The following FAM184B variants were observed in gnomAD, a reference collection of about 807,000 sequenced individuals.
FAM184B encodes protein FAM184B.
FAM184B carries 111 observed loss-of-function variants against 135.9 expected under a neutral mutation model. The ratio of observed to expected loss-of-function variants is 0.82; its 90% CI spans 0.70 to 0.96. The LOEUF (loss-of-function observed/expected upper bound fraction) is 0.96. FAM184B is among the 40% of genes least tolerant of loss of function. The pLI is 0.00. For missense variants in FAM184B, 1,375 were observed against 1,323.9 expected (o/e 1.04, Z -0.60); for synonymous variants, 552 against 524.8 (o/e 1.05, Z -0.71).
intron 10 of FAM184B, among the ~76,000 whole-genome samples, chr4:17,653,644 G>C (rs1411420861): frequency 6.6e-6 from 1 of 152,038 alleles, no homozygotes; most frequent in African/African-American, 2.4e-5. Flanking sequence ...TCTGTGAGCA[G>C]CTGGGTAAAC....
At chr4:17,750,751 A>C (rs1374007078) in intron 1 of FAM184B, among the ~76,000 whole-genome samples, 1 of 152,162 alleles carries the variant, frequency 6.6e-6, no homozygotes, top group East Asian at 1.9e-4. Context: ...ATTCTTTAGT[A>C]TCTTGGACCT....
intron 5 of FAM184B, among the ~76,000 whole-genome samples, chr4:17,694,659 C>T (rs1033223720): frequency 1.3e-5 from 2 of 152,130 alleles, no homozygotes; most frequent in Non-Finnish European, 2.9e-5. Context: ...CATTGTGTTA[C>T]TCATTCATTC....
chr4:17,746,883 C>T (rs1264055477), intron 1 of FAM184B, among the ~76,000 whole-genome samples: 1 of 151,364 alleles, frequency 6.6e-6, no homozygotes, highest in Non-Finnish European at 1.5e-5. Flanking sequence ...ACTAAAAATA[C>T]AAAAATTAGC....
At chr4:17,681,754 AG>A (rs1427235967) in intron 7 of FAM184B, among the ~76,000 whole-genome samples, 1 of 152,044 alleles carries the variant, frequency 6.6e-6, no homozygotes, top group Non-Finnish European at 1.5e-5. Flanking sequence ...ATGCCTCAGG[AG>A]CTTGCCTTGG....
chr4:17,629,700 C>G lies in FAM184B; in HGVS notation c.*2832G>C, dbSNP rs1451173627. On this transcript the variant is annotated 3_prime_UTR_variant, in exon 18 of 18. Transcript: ENST00000265018. ...AATTTCTCTTCATCTTCACTGTCAC[C>G]TCTACGCCATCACTGTCATCTCTAG... 1 of 152,206 alleles carries G rather than the reference C, an allele frequency of 6.6e-6. No individual in the cohort carries two copies. The highest frequency in any genetic ancestry group is 2.4e-5 in the African/African-American group (1 of 41,450). 9.4% of individuals were successfully genotyped at this position (152,206 alleles called of 1,614,324 possible).
At position 17,664,574 on chromosome 4, in the gene FAM184B, T is replaced by G; in HGVS notation, c.1682A>C (p.Asp561Ala). The change falls in exon 8 of 18, where the codon GAT (aspartate) becomes GCT (alanine). Residue 561 changes from aspartate (D) to alanine (A), a missense_variant. Coordinates refer to ENST00000265018, the MANE Select transcript of FAM184B (RefSeq NM_015688.2). ...TGTCCTCCTGTACCTTTCTTCTTCA[T>G]CACTGCTGGTTCCTTCTTCAGCTGC... Reference protein sequence around the residue: ...KLAAEEGTSSDEEERTKVLLK... With the variant: ...KLAAEEGTSSAEEERTKVLLK... The G allele has an allele frequency of 6.4e-7, 1 of 1,551,420 alleles. No individual in the cohort carries two copies. Among genetic ancestry groups the G allele is most frequent in the Non-Finnish European group, 8.7e-7 (1 of 1,146,728 alleles).
At chr4:17,723,142 T>C (rs1038795292) in intron 1 of FAM184B, among the ~76,000 whole-genome samples, 2 of 152,220 alleles carry the variant, frequency 1.3e-5, no homozygotes, top group African/African-American at 4.8e-5. Context: ...TGCATAGCAC[T>C]TTCCAGTTCA....
At chr4:17,666,131 C>T (rs1716043054) in intron 7 of FAM184B, among the ~76,000 whole-genome samples, 1 of 152,174 alleles carries the variant, frequency 6.6e-6, no homozygotes, top group Non-Finnish European at 1.5e-5. Flanking sequence ...AGCTTAGGCT[C>T]TGCTACCAGA....
At chr4:17,766,165 C>G (rs1488023219) in intron 1 of FAM184B, among the ~76,000 whole-genome samples, 4 of 152,196 alleles carry the variant, frequency 2.6e-5, no homozygotes, top group African/African-American at 9.7e-5. Context: ...TGCTTTTATT[C>G]CCTTATCTGG....
intron 1 of FAM184B, among the ~76,000 whole-genome samples, chr4:17,713,571 C>G (rs1039437751): frequency 5.3e-5 from 8 of 152,218 alleles, no homozygotes; most frequent in Non-Finnish European, 1.0e-4. Context: ...GGGATAGGTG[C>G]TATATACACA....
At chr4:17,747,895 T>G (rs1718204256) in intron 1 of FAM184B, among the ~76,000 whole-genome samples, 1 of 111,050 alleles carries the variant, frequency 9.0e-6, no homozygotes, top group Admixed American at 1.4e-4. Flanking sequence ...CACTCCAGCC[T>G]GGGCGACAGA....
intron 10 of FAM184B, 36 bp downstream of exon 10, chr4:17,658,314 C>A (rs1715826734): frequency 1.3e-6 from 2 of 1,544,344 alleles, no homozygotes; most frequent in South Asian, 1.2e-5. Flanking sequence ...CTAGCAGGTG[C>A]CCGGCACAGA....
At chr4:17,636,262 C>T (rs1243537018) in intron 15 of FAM184B, among the ~76,000 whole-genome samples, 9 of 152,166 alleles carry the variant, frequency 5.9e-5, no homozygotes, top group African/African-American at 2.2e-4. Flanking sequence ...CCCACAACCA[C>T]ACCCAGCTAA....
At chr4:17,778,669 G>C (rs1718976998) in intron 1 of FAM184B, among the ~76,000 whole-genome samples, 1 of 152,112 alleles carries the variant, frequency 6.6e-6, no homozygotes, top group Non-Finnish European at 1.5e-5. Flanking sequence ...TGGGCAACAT[G>C]GTGAGACTCT....
At chr4:17,668,642 C>G (rs1300417836) in intron 7 of FAM184B, among the ~76,000 whole-genome samples, 1 of 152,196 alleles carries the variant, frequency 6.6e-6, no homozygotes, top group Non-Finnish European at 1.5e-5. Context: ...AAGTGAGTCT[C>G]CTGCCTCAGC....
rs149639462 is a variant in FAM184B, at chr4:17,638,981, C to T, written c.2666+269G>A. ...CCTCCAGAGTAGCTGGGATTACAGGCGTGTGCCACCACACCTGTAATTTTG... is the reference window on the plus strand; with the variant it reads ...CCTCCAGAGTAGCTGGGATTACAGGTGTGTGCCACCACACCTGTAATTTTG... On this transcript the variant is annotated intron_variant, in intron 14 of 17. Transcript: ENST00000265018. Among the ~76,000 whole-genome samples, 847 of 152,182 alleles carry T rather than the reference C, an allele frequency of 5.6e-3. 7 individuals carry two copies. The highest frequency in any genetic ancestry group is 0.02 in the African/African-American group (819 of 41,524).
At chr4:17,748,630 C>T (rs1005074420) in intron 1 of FAM184B, among the ~76,000 whole-genome samples, 9 of 151,084 alleles carry the variant, frequency 6.0e-5, no homozygotes, top group African/African-American at 2.0e-4. Flanking sequence ...GATCCTCCAG[C>T]CTCAGCCTCC....
At chr4:17,742,796 T>G (rs1385676810) in intron 1 of FAM184B, among the ~76,000 whole-genome samples, 1 of 152,180 alleles carries the variant, frequency 6.6e-6, no homozygotes. Context: ...TTTCAAACAG[T>G]TCATGTGACC....
At chr4:17,717,647 G>T (rs1000443169) in intron 1 of FAM184B, among the ~76,000 whole-genome samples, 1 of 152,176 alleles carries the variant, frequency 6.6e-6, no homozygotes, top group African/African-American at 2.4e-5. Context: ...GTTGACGTCA[G>T]AGGAGATTTC....
Sources: gnomAD v4.1 joint callset for allele counts (sites outside exome capture counted in the v4.1 genomes callset) on GRCh38, gnomAD v4.1.1 for gene constraint, MANE v1.5 for transcripts, NCBI Gene and HGNC (gene_info 2026-07-23, HGNC 2026-07-21) for gene names.